GRM1: variants seen among roughly 807,000 people sequenced by gnomAD.
GRM1 encodes glutamate metabotropic receptor 1.
GRM1 carries 33 observed loss-of-function variants against 90.9 expected under a neutral mutation model. That is an observed-to-expected ratio of 0.36 (90% CI 0.28 to 0.49). The LOEUF (loss-of-function observed/expected upper bound fraction) is 0.49, where lower values mean the gene tolerates loss of function less well. Ranked by LOEUF, GRM1 falls within the 20% of genes least tolerant of loss-of-function variation. The pLI, the probability that GRM1 is intolerant of heterozygous loss-of-function variation, is 0.99. For synonymous variants in GRM1, 700 were observed against 613.2 expected, an observed-to-expected ratio of 1.14 and a Z score of -2.09; for missense variants, 1,190 against 1,534.3, an observed-to-expected ratio of 0.78 and a Z score of 3.75.
intron 2 of GRM1, among the ~76,000 whole-genome samples, chr6:146,291,744 C>T (rs776800611): frequency 5.9e-5 from 9 of 151,894 alleles, no homozygotes; most frequent in Non-Finnish European, 1.3e-4. Flanking sequence ...ACTATCTAAA[C>T]AAATCTGTAA....
intron 2 of GRM1, among the ~76,000 whole-genome samples, chr6:146,296,442 C>A (rs762584062): frequency 3.3e-5 from 5 of 152,142 alleles, no homozygotes; most frequent in Admixed American, 1.3e-4. Flanking sequence ...AAAATCTATT[C>A]TTTTAGCAAT....
chr6:146,158,615 C>T (rs1171657462), intron 1 of GRM1, among the ~76,000 whole-genome samples: 1 of 152,088 alleles, frequency 6.6e-6, no homozygotes, highest in Non-Finnish European at 1.5e-5. Context: ...GACACAGAGG[C>T]TCATAAAATG....
chr6:146,274,840 G>A (rs1043901130), intron 2 of GRM1, among the ~76,000 whole-genome samples: 4 of 152,106 alleles, frequency 2.6e-5, no homozygotes, highest in African/African-American at 9.7e-5. Flanking sequence ...TCTATGCTAA[G>A]AAGTTAATGT....
intron 7 of GRM1, among the ~76,000 whole-genome samples, chr6:146,431,360 G>T (rs1474189301): frequency 2.0e-5 from 3 of 152,170 alleles, no homozygotes; most frequent in Admixed American, 6.5e-5. Flanking sequence ...TAATAATACT[G>T]TTAACTTATG....
intron 7 of GRM1, among the ~76,000 whole-genome samples, chr6:146,431,794 A>G (rs1403491912): frequency 6.6e-6 from 1 of 152,224 alleles, no homozygotes; most frequent in African/African-American, 2.4e-5. Context: ...AGTAAGGCAT[A>G]CTTAAGGAGG....
chr6:146,160,175 A>T (rs1777672205), intron 2 of GRM1, among the ~76,000 whole-genome samples: 1 of 152,190 alleles, frequency 6.6e-6, no homozygotes, highest in Admixed American at 6.5e-5. Context: ...ATGTATTAAG[A>T]TTTGAAATTT....
chr6:146,408,316 C>T (rs371046300), intron 7 of GRM1, among the ~76,000 whole-genome samples: 39 of 152,286 alleles, frequency 2.6e-4, no homozygotes, highest in African/African-American at 9.4e-4. Flanking sequence ...AAACATTCAG[C>T]TCATAGCAGA....
intron 1 of GRM1, among the ~76,000 whole-genome samples, chr6:146,134,467 C>T (rs988843694): frequency 6.6e-6 from 1 of 152,106 alleles, no homozygotes; most frequent in African/African-American, 2.4e-5. Context: ...AGTTTTAATT[C>T]ACTCACAGTT....
At chr6:146,213,218 G>A (rs2114651933) in intron 2 of GRM1, among the ~76,000 whole-genome samples, 1 of 152,096 alleles carries the variant, frequency 6.6e-6, no homozygotes, top group East Asian at 1.9e-4. Context: ...AAGTGAGATA[G>A]CATGATGGAT....
intron 2 of GRM1, among the ~76,000 whole-genome samples, chr6:146,168,157 A>T (rs183713274): frequency 6.6e-6 from 1 of 152,134 alleles, no homozygotes; most frequent in African/African-American, 2.4e-5. Flanking sequence ...ACATTTTGTT[A>T]AAAATAATGT....
At chr6:146,253,277 G>A (rs1282859048) in intron 2 of GRM1, among the ~76,000 whole-genome samples, 1 of 152,072 alleles carries the variant, frequency 6.6e-6, no homozygotes, top group African/African-American at 2.4e-5. Flanking sequence ...AACAGTCCAG[G>A]CTTCAGTAGA....
At chr6:146,039,887 G>T (rs1354894405) in intron 1 of GRM1, among the ~76,000 whole-genome samples, 5 of 151,942 alleles carry the variant, frequency 3.3e-5, no homozygotes, top group African/African-American at 1.2e-4. Flanking sequence ...AAGAGAAATC[G>T]CAGACTGGGA....
intron 1 of GRM1, among the ~76,000 whole-genome samples, chr6:146,129,155 C>T (rs1453188600): frequency 6.6e-6 from 1 of 152,010 alleles, no homozygotes; most frequent in African/African-American, 2.4e-5. Flanking sequence ...AATATTTGAA[C>T]ATTTTATTGG....
At chr6:146,319,989 T>G (rs1317027796) in intron 3 of GRM1, among the ~76,000 whole-genome samples, 3 of 152,210 alleles carry the variant, frequency 2.0e-5, no homozygotes, top group Non-Finnish European at 4.4e-5. Context: ...TGGCCAGAAC[T>G]TCCAATACTA....
intron 5 of GRM1, among the ~76,000 whole-genome samples, chr6:146,386,543 AAT>A (rs1411408078): frequency 6.6e-6 from 1 of 152,062 alleles, no homozygotes; most frequent in Non-Finnish European, 1.5e-5. Flanking sequence ...AGAGAAGAAA[AAT>A]ATATACTTTT....
At chr6:146,432,683 A>G (rs996242829) in intron 7 of GRM1, among the ~76,000 whole-genome samples, 26 of 152,364 alleles carry the variant, frequency 1.7e-4, no homozygotes, top group Admixed American at 1.1e-3. Flanking sequence ...AAAAAAAGAA[A>G]AGAAACAATT....
intron 3 of GRM1, among the ~76,000 whole-genome samples, chr6:146,305,724 A>G (rs1453382638): frequency 1.3e-5 from 2 of 152,220 alleles, no homozygotes; most frequent in Non-Finnish European, 2.9e-5. Context: ...TGCGACATGT[A>G]TATCCTGTAT....
chr6:146,433,900 G>T lies in GRM1; in HGVS notation c.2689G>T (p.Glu897Ter). Residue 897 changes from glutamate (E) to a stop codon, truncating the protein, a stop_gained, in exon 8 of 8, where the codon GAA becomes TAA. Transcript: ENST00000282753. LOFTEE classifies it high-confidence loss of function. ...TAATGGCAAGTCTGTGTCATGGTCT[G>T]AACCAGGTGGAGGACAGGTGCCCAA... is the stretch of plus-strand genomic sequence containing the variant. ...NSNGKSVSWS[E>*]PGGGQVPKGQ... The T allele has an allele frequency of 1.2e-6, 2 of 1,613,566 alleles. No homozygotes were observed. The highest frequency in any genetic ancestry group is 2.2e-5 in the South Asian group (2 of 91,060).
chr6:146,152,647 T>G (rs1777382742), intron 1 of GRM1, among the ~76,000 whole-genome samples: 1 of 152,144 alleles, frequency 6.6e-6, no homozygotes. Context: ...GTTATTATGA[T>G]GAATAAATGA....
Sources: allele counts gnomAD v4.1 joint callset (sites outside exome capture counted in the v4.1 genomes callset), GRCh38; gene constraint gnomAD v4.1.1; transcripts MANE v1.5; gene names NCBI Gene and HGNC (gene_info 2026-07-23, HGNC 2026-07-21).